Variants in RAB1A observed in about 807,000 individuals in gnomAD.
RAB1A encodes the protein ras-related protein Rab-1A.
In RAB1A, 2 loss-of-function variants were observed where a neutral mutation model predicts 26.0. The observed-to-expected ratio is 0.08, with a 90% CI of 0.03 to 0.24. The LOEUF (loss-of-function observed/expected upper bound fraction) is 0.24. Ranked by LOEUF, RAB1A falls within the 10% of genes least tolerant of loss-of-function variation. The probability of loss-of-function intolerance (pLI) is 1.00; values close to 1 mark genes in which losing one functional copy is unlikely to be tolerated. For synonymous variants in RAB1A, 84 were observed against 84.9 expected, an observed-to-expected ratio of 0.99 and a Z score of 0.06; for missense variants, 100 against 247.0, an observed-to-expected ratio of 0.40 and a Z score of 3.99.
rs1003002009 is a variant in RAB1A, at chr2:65,120,843, T to C, written c.23+9050A>G. ...AAGTACTATTATTATACAAAGGAAA[T>C]ACATTCAGAGAAATTAAATCCATCA... On this transcript the variant is annotated intron_variant, in intron 1 of 5. Coordinates refer to ENST00000409784, the MANE Select transcript of RAB1A (RefSeq NM_004161.5). 2.6e-5 allele frequency among the ~76,000 whole-genome samples: 4 copies of C among 152,164 alleles called. No homozygotes were observed. In the South Asian group the frequency reaches 8.3e-4, roughly 32 times the overall value.
chr2:65,118,417 A>G (rs1669872981), intron 1 of RAB1A, among the ~76,000 whole-genome samples: 1 of 151,416 alleles, frequency 6.6e-6, no homozygotes, highest in East Asian at 1.9e-4. Context: ...TAAAAAACAG[A>G]AAAAAAAACT....
intron 1 of RAB1A, chr2:65,114,215 G>A (rs990819644): frequency 5.1e-6 from 2 of 390,108 alleles, no homozygotes; most frequent in Admixed American, 3.1e-5. Context: ...ACATGTCAAT[G>A]AACACTTTAC....
chr2:65,122,443 A>G (rs924983596), intron 1 of RAB1A, among the ~76,000 whole-genome samples: 1 of 151,332 alleles, frequency 6.6e-6, no homozygotes, highest in African/African-American at 2.4e-5. Context: ...TTGTATTCTC[A>G]GCTACTCAGG....
chr2:65,095,122 A>G lies in RAB1A; in HGVS notation c.192+2849T>C, dbSNP rs372383579. ...GACAAAGTGAAATTTTTGTCTCAGAAAAAAGAAAAAAAGAAGAATCACTAG... is the reference window on the plus strand; with the variant it reads ...GACAAAGTGAAATTTTTGTCTCAGAGAAAAGAAAAAAAGAAGAATCACTAG... On this transcript the variant is annotated intron_variant, in intron 3 of 5. Transcript: ENST00000409784. Among the ~76,000 whole-genome samples, 15 of 152,344 alleles carry G rather than the reference A, an allele frequency of 9.8e-5. No homozygotes were observed. In the East Asian group the frequency reaches 1.5e-3, roughly 16 times the overall value.
intron 2 of RAB1A, among the ~76,000 whole-genome samples, chr2:65,101,390 T>G (rs904846337): frequency 6.6e-6 from 1 of 152,186 alleles, no homozygotes; most frequent in Non-Finnish European, 1.5e-5. Flanking sequence ...CTTCCCTCTG[T>G]GCCCCCAGAG....
intron 1 of RAB1A, chr2:65,105,029 C>A: frequency 3.2e-6 from 2 of 631,738 alleles, no homozygotes; most frequent in Non-Finnish European, 5.8e-6. Context: ...CACCTATGAT[C>A]TCTAACATCA....
chr2:65,098,094 A>T, intron 2 of RAB1A, 28 bp from the exon 3 acceptor site: 2 of 1,332,886 alleles, frequency 1.5e-6, no homozygotes, highest in Non-Finnish European at 1.0e-6. Flanking sequence ...TAACAATTAA[A>T]TGTATTGTTC....
Position 65,106,270 on chromosome 2 carries a change from G to A in RAB1A, c.24-1464C>T, listed in dbSNP as rs145341339. On this transcript the variant is annotated intron_variant, in intron 1 of 5. Transcript: ENST00000409784. ...ACAAAAACCTTAGAATTTATATATC[G>A]TTTTTGTAGAAGATATACATGATTT... 594 of 213,048 alleles carry A rather than the reference G, an allele frequency of 2.8e-3. 2 individuals carry two copies. The highest frequency in any genetic ancestry group is 0.013 in the African/African-American group (544 of 42,138). The allele number at this position is 213,048 out of a possible 1,614,324, so 13.2% of individuals were successfully genotyped here.
intron 1 of RAB1A, among the ~76,000 whole-genome samples, chr2:65,126,330 A>G (rs929995071): frequency 6.6e-6 from 1 of 151,974 alleles, no homozygotes; most frequent in African/African-American, 2.4e-5. Flanking sequence ...AAGAAAAAGA[A>G]AAGAAAACAA....
rs946087291 is a variant in RAB1A at position 65,087,934 on chromosome 2, G to C, written c.*559C>G. 8 of 152,804 alleles carry C rather than the reference G, an allele frequency of 5.2e-5. No homozygotes were observed. Among genetic ancestry groups the C allele is most frequent in the African/African-American group, 1.9e-4 (8 of 41,566 alleles). The allele number at this position is 152,804 out of a possible 1,614,324, so 9.5% of individuals were successfully genotyped here. ...ATATCTTCAGTTGTTTTGTTACATA[G>C]TGTGCAACAAATTACAATATTCTGC... On this transcript the variant is annotated 3_prime_UTR_variant, in exon 6 of 6. Transcript: ENST00000409784.
At chr2:65,117,899 C>T (rs772900794) in intron 1 of RAB1A, among the ~76,000 whole-genome samples, 1 of 152,156 alleles carries the variant, frequency 6.6e-6, no homozygotes, top group Non-Finnish European at 1.5e-5. Context: ...GAAGTAAGCA[C>T]ATGTAGTAAA....
chr2:65,105,298 A>G (rs1404685737), intron 1 of RAB1A: 2 of 198,146 alleles, frequency 1.0e-5, no homozygotes, highest in African/African-American at 4.8e-5. Flanking sequence ...TGAGGTCAGG[A>G]GTTCAAGACC....
intron 1 of RAB1A, among the ~76,000 whole-genome samples, chr2:65,110,463 G>A (rs1244918347): frequency 1.4e-5 from 2 of 146,180 alleles, no homozygotes; most frequent in East Asian, 4.0e-4. Flanking sequence ...AAATGGCCAA[G>A]CCAGAACAAT....
At chr2:65,127,977 G>A (rs1573097063) in intron 1 of RAB1A, among the ~76,000 whole-genome samples, 1 of 152,004 alleles carries the variant, frequency 6.6e-6, no homozygotes. Context: ...CTCGGGATCC[G>A]CCCGCCTCGG....
At chr2:65,088,752 T>A (rs1181105801) in intron 5 of RAB1A, 62 bp from the exon 6 acceptor site, 1 of 1,408,062 alleles carries the variant, frequency 7.1e-7, no homozygotes, top group Non-Finnish European at 9.7e-7. Flanking sequence ...CTTAGTGCAT[T>A]TCTACCATCC....
intron 3 of RAB1A, among the ~76,000 whole-genome samples, chr2:65,092,202 A>G (rs1669187509): frequency 1.3e-5 from 2 of 151,964 alleles, no homozygotes; most frequent in South Asian, 2.1e-4. Context: ...CCCAGGAGGC[A>G]GAGGTTGCAG....
intron 1 of RAB1A, among the ~76,000 whole-genome samples, chr2:65,113,826 A>T (rs1669759140): frequency 6.6e-6 from 1 of 152,206 alleles, no homozygotes; most frequent in South Asian, 2.1e-4. Flanking sequence ...TCATCTCAGC[A>T]CTCTGAGAGG....
intron 1 of RAB1A, among the ~76,000 whole-genome samples, chr2:65,128,039 C>G (rs1475246649): frequency 6.6e-6 from 1 of 152,138 alleles, no homozygotes; most frequent in Non-Finnish European, 1.5e-5. Flanking sequence ...TGGCCTATAT[C>G]TAAACTTCTT....
At chr2:65,120,575 T>C (rs1188591821) in intron 1 of RAB1A, among the ~76,000 whole-genome samples, 1 of 152,194 alleles carries the variant, frequency 6.6e-6, no homozygotes, top group Non-Finnish European at 1.5e-5. Context: ...ACATTCTCTT[T>C]TCTGTTTTCA....
Sources: allele counts gnomAD v4.1 joint callset (sites outside exome capture counted in the v4.1 genomes callset), GRCh38; gene constraint gnomAD v4.1.1; transcripts MANE v1.5; gene names NCBI Gene and HGNC (gene_info 2026-07-23, HGNC 2026-07-21).